ADCY9: variants seen among roughly 807,000 people sequenced by gnomAD.
ADCY9 encodes the protein adenylate cyclase 9.
Under a neutral mutation model 101.5 loss-of-function variants are expected in ADCY9, and 50 were observed. The ratio of observed to expected loss-of-function variants is 0.49; its 90% CI spans 0.39 to 0.62. The LOEUF is 0.62. Ranked by LOEUF, ADCY9 falls within the 20% of genes least tolerant of loss-of-function variation. The probability of loss-of-function intolerance (pLI) is 0.00; values close to 1 mark genes in which losing one functional copy is unlikely to be tolerated. For missense variants in ADCY9, 1,662 were observed against 1,800.4 expected, an observed-to-expected ratio of 0.92 and a Z score of 1.39; for synonymous variants, 905 against 769.3, an observed-to-expected ratio of 1.18 and a Z score of -2.92.
rs557625160 is a variant in ADCY9, at chr16:3,992,754, C to T, written c.1990-391G>A. Among the ~76,000 whole-genome samples the T allele has an allele frequency of 6.6e-6, 1 of 152,098 alleles. No individual in the cohort carries two copies. Among genetic ancestry groups the T allele is most frequent in the East Asian group, 1.9e-4 (1 of 5,168 alleles). ...GGTCGGGGGTCCAGGAGAAGTATGA[C>T]GAGGGGTCCAGGGCTGTCAGGGCAC... On this transcript the variant is annotated intron_variant, in intron 4 of 10. Transcript: ENST00000294016. This position sits in a 1 kb window ranked among gnomAD's most constrained non-coding sequence, Gnocchi z 4.2.
rs376905435 is a variant in ADCY9 at position 3,985,835 on chromosome 16, C to T, written c.2311-2395G>A. 5.6e-4 allele frequency among the ~76,000 whole-genome samples: 86 copies of T among 152,286 alleles called. 2 individuals are homozygous for T. The South Asian group carries it at 0.016, about 28-fold the overall frequency. ...ACACCTGTCCCTGCCACAGCCTCCC[C>T]CTCTGGGCCACCCCTGGCCCTGATG... On this transcript the variant is annotated intron_variant, in intron 6 of 10. Transcript: ENST00000294016.
intron 2 of ADCY9, among the ~76,000 whole-genome samples, chr16:4,021,366 G>A (rs959699540): frequency 5.9e-5 from 9 of 152,210 alleles, no homozygotes; most frequent in African/African-American, 1.9e-4. Context: ...TGAAGCCTTA[G>A]CCTCAGGCAA....
intron 2 of ADCY9, among the ~76,000 whole-genome samples, chr16:4,086,166 A>G (rs531925119): frequency 7.1e-4 from 108 of 151,694 alleles, no homozygotes; most frequent in African/African-American, 2.5e-3. Context: ...AAGGAGAAAA[A>G]AAATCAAGTG....
At chr16:4,010,662 G>T (rs940308765) in intron 2 of ADCY9, among the ~76,000 whole-genome samples, 3 of 152,162 alleles carry the variant, frequency 2.0e-5, no homozygotes, top group Admixed American at 6.5e-5. Flanking sequence ...CTATGGTCAG[G>T]CGTGCCAAGT....
At chr16:4,051,233 C>T (rs776636899) in intron 2 of ADCY9, among the ~76,000 whole-genome samples, 6 of 150,802 alleles carry the variant, frequency 4.0e-5, no homozygotes, top group African/African-American at 7.3e-5. Flanking sequence ...AAAACAAAAA[C>T]GAAAAAACCT....
intron 2 of ADCY9, among the ~76,000 whole-genome samples, chr16:4,072,841 A>C (rs2056842864): frequency 1.3e-5 from 2 of 152,074 alleles, no homozygotes; most frequent in South Asian, 4.1e-4. Flanking sequence ...GGGAATTGGG[A>C]AACATATTAC....
rs759474569 is a variant in ADCY9 at position 3,965,875 on chromosome 16, C to T, written c.3962G>A (p.Arg1321Lys). The T allele has an allele frequency of 1.2e-6, 2 of 1,614,076 alleles. No homozygotes were observed. Among genetic ancestry groups the T allele is most frequent in the East Asian group, 2.2e-5 (1 of 44,892 alleles). ...CTCTATGGCTTTGCCAAATCGACCC[C>T]TTTCTTCGGCTTTGACGGGCTCCTT... is the stretch of plus-strand genomic sequence containing the variant. ...PWKEPVKAEE[R>K]GRFGKAIEKD... Residue 1321 changes from arginine to lysine, a missense_variant, in exon 11 of 11, where the codon AGG (arginine) becomes AAG (lysine). Physicochemically the swap from Arg to Lys is conservative, Grantham distance 26. Coordinates refer to ENST00000294016, the MANE Select transcript of ADCY9 (RefSeq NM_001116.4).
rs369875575 is a variant in ADCY9 at position 3,979,116 on chromosome 16, G to A, written c.2679C>T (p.His893=). 2.1e-5 allele frequency: 34 copies of A among 1,614,060 alleles called. No homozygotes were observed. Among genetic ancestry groups the A allele is most frequent in the Middle Eastern group, 1.6e-4 (1 of 6,084 alleles). Residue 893 remains histidine (H), a splice_region_variant and synonymous_variant, in exon 8 of 11, where the codon CAC becomes CAT. Transcript: ENST00000294016. ...ATAAAACGGCTGAGCCTTTACTTAC[G>A]TGTATGTTGGTCTCATATTCGGAGG... is the stretch of plus-strand genomic sequence containing the variant. ...HVTSEYETNI[H]FPVFTGSAAL...
chr16:4,115,425 G>A lies in ADCY9; in HGVS notation c.18C>T (p.His6=). Residue 6 remains histidine (H), a synonymous_variant, in exon 2 of 11, where the codon CAC becomes CAT. Transcript: ENST00000294016. The surrounding 1 kb of genome is among the most constrained non-coding windows in gnomAD (Gnocchi z 6.2). The part of the protein sequence containing the change: MASPP[H]QQLLHHHSTE... ...TGCTGTGGTGATGCAGCAGCTGCTG[G>A]TGGGGTGGGGAAGCCATGTTGTCGA... The A allele has an allele frequency of 6.4e-7, 1 of 1,560,134 alleles. No homozygotes were observed. The highest frequency in any genetic ancestry group is 8.7e-7 in the Non-Finnish European group (1 of 1,152,860).
intron 2 of ADCY9, among the ~76,000 whole-genome samples, chr16:4,024,303 A>G (rs9928721): frequency 0.87 from 133,042 of 152,184 alleles, 58,866 homozygotes; most frequent in Non-Finnish European, 0.95. Context: ...TTATAGGCAT[A>G]AGCCACTGCA....
intron 2 of ADCY9, among the ~76,000 whole-genome samples, chr16:4,047,760 C>G (rs1488416502): frequency 6.6e-6 from 1 of 151,974 alleles, no homozygotes; most frequent in East Asian, 1.9e-4. Flanking sequence ...TTGAAATCCA[C>G]GTTGGCCAGG....
chr16:4,025,778 C>T (rs996639831), intron 2 of ADCY9, among the ~76,000 whole-genome samples: 3 of 152,108 alleles, frequency 2.0e-5, no homozygotes, highest in Non-Finnish European at 4.4e-5. Context: ...AAGAAGAAAC[C>T]GACTCCCAGA....
chr16:3,994,283 C>G (rs35484150), intron 3 of ADCY9, among the ~76,000 whole-genome samples: 4,453 of 152,236 alleles, frequency 0.029, 83 homozygotes, highest in Non-Finnish European at 0.046. Flanking sequence ...ACTTCCCAGC[C>G]TCCAGAACCC....
chr16:4,055,605 G>T (rs112890143), intron 2 of ADCY9, among the ~76,000 whole-genome samples: 8 of 151,970 alleles, frequency 5.3e-5, no homozygotes, highest in Admixed American at 2.0e-4. Context: ...AGGCCGGGGT[G>T]GGGGGATCAC....
At chr16:3,953,736 C>T (rs1006548832) in intron 5 of ADCY9, among the ~76,000 whole-genome samples, 2 of 152,182 alleles carry the variant, frequency 1.3e-5, no homozygotes, top group Non-Finnish European at 2.9e-5. Context: ...GTGGAAAAAA[C>T]GCCGGTTTTG....
intron 2 of ADCY9, among the ~76,000 whole-genome samples, chr16:4,055,584 A>G (rs2141154553): frequency 6.6e-6 from 1 of 151,898 alleles, no homozygotes; most frequent in East Asian, 1.9e-4. Context: ...CTACAATCCC[A>G]GCACTTTGGG....
intron 2 of ADCY9, among the ~76,000 whole-genome samples, chr16:4,061,523 C>T (rs113216316): frequency 3.4e-3 from 513 of 152,202 alleles, no homozygotes; most frequent in African/African-American, 0.012. Context: ...GCTGACTTCA[C>T]GTTAGAAATT....
intron 2 of ADCY9, among the ~76,000 whole-genome samples, chr16:4,097,590 G>A (rs1247789012): frequency 5.2e-5 from 6 of 115,810 alleles, no homozygotes; most frequent in Non-Finnish European, 1.0e-4. Context: ...GTCTTGCTCT[G>A]TCATCCAGGC....
At chr16:4,075,335 T>A (rs547001850) in intron 2 of ADCY9, among the ~76,000 whole-genome samples, 101 of 152,226 alleles carry the variant, frequency 6.6e-4, no homozygotes, top group African/African-American at 2.4e-3. Flanking sequence ...GATGGGGTTT[T>A]GCCATGTTGG....
Sources: allele counts gnomAD v4.1 joint callset (sites outside exome capture counted in the v4.1 genomes callset), GRCh38; gene constraint gnomAD v4.1.1; non-coding constraint Gnocchi (gnomAD v3.1); transcripts MANE v1.5; gene names NCBI Gene and HGNC (gene_info 2026-07-23, HGNC 2026-07-21).